The following SCN11A variants were observed in gnomAD, a reference collection of about 807,000 sequenced individuals.
SCN11A encodes sodium channel protein type 11 subunit alpha.
SCN11A carries 122 observed loss-of-function variants against 162.2 expected under a neutral mutation model. The observed-to-expected ratio is 0.75, with a 90% CI of 0.65 to 0.87. SCN11A has a LOEUF of 0.87. Among genes scored for constraint, SCN11A ranks in the 40% least tolerant of loss-of-function variants. The pLI is 0.00. For missense variants in SCN11A, 2,015 were observed against 2,181.6 expected, an observed-to-expected ratio of 0.92 and a Z score of 1.52; for synonymous variants, 758 against 751.5, an observed-to-expected ratio of 1.01 and a Z score of -0.14.
rs547635517 is a variant in SCN11A, at chr3:38,927,034, G to A, written c.489-103C>T. The A allele has an allele frequency of 1.7e-3, 1,914 of 1,141,580 alleles. 4 individuals carry two copies. Among genetic ancestry groups the A allele is most frequent in the Non-Finnish European group, 2.3e-3 (1,833 of 805,422 alleles). The allele number at this position is 1,141,580 out of a possible 1,614,324, so 70.7% of individuals were successfully genotyped here. A position where few individuals can be genotyped will look rare whatever the true frequency, so the allele number is the denominator to read the frequency against. On this transcript the variant is annotated intron_variant, in intron 7 of 29. Coordinates refer to ENST00000302328, the MANE Select transcript of SCN11A (RefSeq NM_001349253.2). ...CCTTGATTTTTTTTTCCATTTCAAT[G>A]TGACATTTAACATTCTGGTCTTCAG... is the stretch of plus-strand genomic sequence containing the variant.
rs148264228 is a variant in SCN11A, at chr3:38,950,162, G to A, written c.201C>T (p.Gly67=). The A allele has an allele frequency of 2.9e-4, 463 of 1,610,440 alleles. 1 individual carries two copies. The African/African-American group carries it at 5.5e-3, about 19-fold the overall frequency. ...KASRKLPKLY[G]DIPRELIGKP... is the part of the protein sequence containing the mutation. The stretch of plus-strand genomic sequence containing the variant: ...TTCCTATGAGCTCACGAGGAATGTC[G>A]CCATAGAGCTTGGGCAACTTCCTGG... Residue 67 remains glycine (G), a synonymous_variant, in exon 5 of 30, where the codon GGC becomes GGT. Transcript: ENST00000302328.
intron 4 of SCN11A, among the ~76,000 whole-genome samples, chr3:38,952,589 A>G (rs986669745): frequency 6.6e-6 from 1 of 152,234 alleles, no homozygotes; most frequent in East Asian, 1.9e-4. Context: ...AAAGACAAAG[A>G]CAGGAAACTA....
intron 2 of SCN11A, among the ~76,000 whole-genome samples, chr3:39,013,946 T>A (rs1019931392): frequency 6.6e-6 from 1 of 152,222 alleles, no homozygotes; most frequent in African/African-American, 2.4e-5. Context: ...TAAATACACA[T>A]AACACTGCAG....
intron 2 of SCN11A, among the ~76,000 whole-genome samples, chr3:38,981,687 C>T (rs1328154496): frequency 1.3e-5 from 2 of 151,968 alleles, no homozygotes; most frequent in Non-Finnish European, 2.9e-5. Context: ...CAGGGCAATC[C>T]ACAGGGAGAA....
chr3:38,887,021 G>T (rs905033388), intron 19 of SCN11A, among the ~76,000 whole-genome samples: 3 of 152,098 alleles, frequency 2.0e-5, no homozygotes, highest in Non-Finnish European at 2.9e-5. Flanking sequence ...GCCTTGGAAT[G>T]TGCTGTGAGC....
intron 2 of SCN11A, among the ~76,000 whole-genome samples, chr3:38,964,865 G>A (rs969463593): frequency 6.6e-6 from 1 of 152,212 alleles, no homozygotes; most frequent in East Asian, 1.9e-4. Context: ...TACTGGCACC[G>A]TCTCAAGCTC....
intron 2 of SCN11A, among the ~76,000 whole-genome samples, chr3:38,996,406 A>G (rs888781413): frequency 1.2e-4 from 19 of 152,210 alleles, no homozygotes; most frequent in Admixed American, 2.6e-4. Context: ...GTCAAGATTC[A>G]TAACATCAAC....
intron 1 of SCN11A, among the ~76,000 whole-genome samples, chr3:39,032,911 G>A (rs2125612215): frequency 6.6e-6 from 1 of 152,242 alleles, no homozygotes; most frequent in South Asian, 2.1e-4. Flanking sequence ...CAACACTTTG[G>A]GAGGCCGAGG....
intron 29 of SCN11A, chr3:38,849,888 A>C (rs534937189): frequency 1.3e-5 from 2 of 152,456 alleles, no homozygotes; most frequent in Admixed American, 1.3e-4. Flanking sequence ...AGACAAGCAC[A>C]GTTCACACTG....
intron 2 of SCN11A, among the ~76,000 whole-genome samples, chr3:38,995,803 A>ATCTATTTATCTG (rs1553648569): frequency 8.1e-5 from 11 of 135,254 alleles, no homozygotes; most frequent in African/African-American, 3.4e-4. Flanking sequence ...TAAATTGTCT[A>ATCTATTTATCTG]TCTATCTATC....
chr3:39,014,274 A>G (rs1201641060), intron 2 of SCN11A, among the ~76,000 whole-genome samples: 1 of 152,206 alleles, frequency 6.6e-6, no homozygotes, highest in African/African-American at 2.4e-5. Flanking sequence ...AATGCCTCCA[A>G]TTCAATGGAA....
At chr3:39,014,536 C>CA (rs2031235327) in intron 2 of SCN11A, among the ~76,000 whole-genome samples, 1 of 152,166 alleles carries the variant, frequency 6.6e-6, no homozygotes, top group African/African-American at 2.4e-5. Context: ...TATTGTCTCT[C>CA]AATTATGTCT....
At chr3:38,925,267 C>T in intron 9 of SCN11A, 148 bp downstream of exon 9, 1 of 630,108 alleles carries the variant, frequency 1.6e-6, no homozygotes, top group Non-Finnish European at 2.8e-6. Flanking sequence ...ATATTAGGTG[C>T]TCAATAATTA....
At chr3:38,961,916 G>C (rs2066743704) in intron 2 of SCN11A, among the ~76,000 whole-genome samples, 2 of 152,108 alleles carry the variant, frequency 1.3e-5, no homozygotes, top group South Asian at 2.1e-4. Flanking sequence ...TTTGCTTTTG[G>C]GTTTTTGGTC....
chr3:38,935,827 C>T (rs1180556342), intron 7 of SCN11A, among the ~76,000 whole-genome samples: 2 of 152,128 alleles, frequency 1.3e-5, no homozygotes, highest in African/African-American at 4.8e-5. Flanking sequence ...CTGAACTATT[C>T]CAATCAATAG....
chr3:39,023,832 A>C (rs988138562), intron 2 of SCN11A, among the ~76,000 whole-genome samples: 1 of 152,052 alleles, frequency 6.6e-6, no homozygotes, highest in Non-Finnish European at 1.5e-5. Context: ...TAGTAGAGGC[A>C]GGGTTTTACC....
intron 2 of SCN11A, among the ~76,000 whole-genome samples, chr3:38,968,668 G>GCACACA (rs1156816011): frequency 6.6e-6 from 1 of 151,840 alleles, no homozygotes; most frequent in Non-Finnish European, 1.5e-5. Flanking sequence ...ATGCACACAA[G>GCACACA]CACACACATA....
intron 2 of SCN11A, among the ~76,000 whole-genome samples, chr3:38,988,248 C>T (rs1197629127): frequency 6.6e-6 from 1 of 152,048 alleles, no homozygotes; most frequent in Non-Finnish European, 1.5e-5. Flanking sequence ...GCCAGTCTCC[C>T]TGCTTGCCTC....
chr3:38,965,110 C>T (rs935206258), intron 2 of SCN11A, among the ~76,000 whole-genome samples: 4 of 152,150 alleles, frequency 2.6e-5, no homozygotes, highest in African/African-American at 7.2e-5. Context: ...GCACAGAATC[C>T]GTGGCTAGGA....
Sources: gnomAD v4.1 joint callset for allele counts (sites outside exome capture counted in the v4.1 genomes callset) on GRCh38, gnomAD v4.1.1 for gene constraint, MANE v1.5 for transcripts, NCBI Gene and HGNC (gene_info 2026-07-23, HGNC 2026-07-21) for gene names.